The following PIWIL4 variants were observed in gnomAD, a reference collection of about 807,000 sequenced individuals.
The protein encoded by PIWIL4 is piwi-like protein 4.
PIWIL4 carries 50 observed loss-of-function variants against 100.9 expected under a neutral mutation model. That is an observed-to-expected ratio of 0.50 (90% CI 0.39 to 0.63). The LOEUF is 0.63. PIWIL4 is among the 20% of genes least tolerant of loss of function. The pLI, the probability that PIWIL4 is intolerant of heterozygous loss-of-function variation, is 0.00. For missense variants in PIWIL4, 887 were observed against 1,043.3 expected (o/e 0.85, Z 2.06); for synonymous variants, 342 against 367.5 (o/e 0.93, Z 0.79).
At chr11:94,615,835 A>G (rs954815362) in intron 15 of PIWIL4, among the ~76,000 whole-genome samples, 3 of 152,206 alleles carry the variant, frequency 2.0e-5, no homozygotes, top group Non-Finnish European at 4.4e-5. Flanking sequence ...TTAGAGAGGT[A>G]TAATAATGCT....
chr11:94,594,398 G>A (rs111328490), intron 9 of PIWIL4, among the ~76,000 whole-genome samples: 35,830 of 150,332 alleles, frequency 0.24, 4,493 homozygotes, highest in African/African-American at 0.29. Flanking sequence ...CCCAAGAGGC[G>A]GAGGTTGCAG....
intron 7 of PIWIL4, among the ~76,000 whole-genome samples, chr11:94,588,590 C>G (rs1037358558): frequency 6.6e-6 from 1 of 152,162 alleles, no homozygotes; most frequent in Non-Finnish European, 1.5e-5. Flanking sequence ...CCAGGCTACA[C>G]AGTGCTGAAG....
chr11:94,586,909 A>C, intron 6 of PIWIL4, 141 bp from the exon 7 acceptor site: 1 of 831,268 alleles, frequency 1.2e-6, no homozygotes, highest in Non-Finnish European at 1.8e-6. Flanking sequence ...TCAGTCAACA[A>C]CTGGAAGAAA....
At chr11:94,576,532 G>A (rs1476223990) in intron 3 of PIWIL4, among the ~76,000 whole-genome samples, 2 of 152,154 alleles carry the variant, frequency 1.3e-5, no homozygotes, top group African/African-American at 4.8e-5. Flanking sequence ...TACCCTGGGG[G>A]GAGCTTACAC....
At chr11:94,572,914 T>C (rs1009025537) in intron 2 of PIWIL4, among the ~76,000 whole-genome samples, 1 of 152,202 alleles carries the variant, frequency 6.6e-6, no homozygotes, top group African/African-American at 2.4e-5. Flanking sequence ...ATTCTTCCTA[T>C]CCATGAGCGT....
chr11:94,607,350 A>G, intron 13 of PIWIL4, 89 bp from the exon 14 acceptor site: 1 of 1,195,114 alleles, frequency 8.4e-7, no homozygotes, highest in South Asian at 1.4e-5. Context: ...AGATGTTTGG[A>G]GAATAATTCA....
intron 8 of PIWIL4, among the ~76,000 whole-genome samples, chr11:94,592,028 C>T (rs915908582): frequency 1.3e-5 from 2 of 152,102 alleles, no homozygotes; most frequent in African/African-American, 4.8e-5. Context: ...ACTATCCGTA[C>T]TCCCATGTTT....
intron 8 of PIWIL4, among the ~76,000 whole-genome samples, chr11:94,591,427 A>C (rs1235799639): frequency 6.6e-6 from 1 of 152,234 alleles, no homozygotes; most frequent in African/African-American, 2.4e-5. Flanking sequence ...GTACCTGTGC[A>C]TTCATCACAT....
chr11:94,568,821 C>T lies in PIWIL4; in HGVS notation c.166+13C>T, dbSNP rs868378629. The T allele has an allele frequency of 6.3e-7, 1 of 1,581,544 alleles. No individual in the cohort carries two copies. Among genetic ancestry groups the T allele is most frequent in the African/African-American group, 1.3e-5 (1 of 74,328 alleles). The stretch of plus-strand genomic sequence containing the variant: ...ATCTCAACCAACGGTAAGTGCAGCT[C>T]AGCCTGTTCATTTAGTACCATTCAA... On this transcript the variant is annotated intron_variant, in intron 2 of 19. Transcript: ENST00000299001.
Position 94,619,828 on chromosome 11 carries a change from C to G in PIWIL4, c.2237C>G (p.Thr746Ser), listed in dbSNP as rs1251064526. The G allele has an allele frequency of 1.2e-6, 2 of 1,614,092 alleles. No individual in the cohort carries two copies. Among genetic ancestry groups the G allele is most frequent in the African/African-American group, 2.7e-5 (2 of 74,950 alleles). The change falls in exon 18 of 20, where the codon ACT becomes AGT. Residue 746 changes from threonine to serine, a missense_variant. Around this residue, in one of 2 missense-constraint regions of PIWIL4, gnomAD observed 741 missense variants for 930.0 expected, o/e 0.80. Coordinates refer to ENST00000299001, the MANE Select transcript of PIWIL4 (RefSeq NM_152431.3). ...MPRFFTEMNRTVQNPPLGTVV... is the reference protein window; with the variant it reads ...MPRFFTEMNRSVQNPPLGTVV... ...CGATTCTTTACCGAAATGAACCGCACTGTACAGAACCCCCCACTTGGCACT... is the reference window on the plus strand; with the variant it reads ...CGATTCTTTACCGAAATGAACCGCAGTGTACAGAACCCCCCACTTGGCACT...
At chr11:94,610,156 A>G (rs1948772443) in intron 15 of PIWIL4, among the ~76,000 whole-genome samples, 1 of 152,064 alleles carries the variant, frequency 6.6e-6, no homozygotes, top group Admixed American at 6.5e-5. Context: ...ATTTTACTTA[A>G]TATAATGTCC....
chr11:94,570,062 A>G (rs1360281026), intron 2 of PIWIL4, among the ~76,000 whole-genome samples: 3 of 152,182 alleles, frequency 2.0e-5, no homozygotes, highest in Non-Finnish European at 4.4e-5. Flanking sequence ...CATGTAGCCA[A>G]CTGCTCTCTT....
Position 94,601,814 on chromosome 11 carries a change from C to G in PIWIL4, c.1400C>G (p.Ala467Gly). 5.6e-6 allele frequency: 9 copies of G among 1,613,860 alleles called. No homozygotes were observed. Among genetic ancestry groups the G allele is most frequent in the Non-Finnish European group, 6.8e-6 (8 of 1,179,848 alleles). Residue 467 changes from alanine (A) to glycine (G), a missense_variant, in exon 12 of 20, where the codon GCT becomes GGT. Transcript: ENST00000299001. ...QDHICQPVSA[A>G]DWSKDIRTCK... ...TCTCAGTGTCAACCTGTGTCTGCTGCTGACTGGTCCAAGGATATTCGAACT... is the reference window on the plus strand; with the variant it reads ...TCTCAGTGTCAACCTGTGTCTGCTGGTGACTGGTCCAAGGATATTCGAACT...
Position 94,597,854 on chromosome 11 carries a change from G to A in PIWIL4, c.1319G>A (p.Ser440Asn). Residue 440 changes from serine (S) to asparagine (N), a missense_variant, in exon 11 of 20, where the codon AGC (serine) becomes AAC (asparagine). Ser to Asn is a conservative substitution (Grantham distance 46). Coordinates refer to ENST00000299001, the MANE Select transcript of PIWIL4 (RefSeq NM_152431.3). ...ELETWGLHFG[S>N]QISLTGRIVP... ...GAGACCTGGGGACTGCATTTTGGAA[G>A]CCAGATATCTCTGACTGGCCGGATT... The A allele has an allele frequency of 6.2e-7, 1 of 1,614,086 alleles. No individual in the cohort carries two copies. The highest frequency in any genetic ancestry group is 8.5e-7 in the Non-Finnish European group (1 of 1,179,962).
chr11:94,617,958 A>C lies in PIWIL4; in HGVS notation c.2019A>C (p.Ala673=). ...TACTGACACCAAATTCTGCAGGAGC[A>C]CTCAACAAATGGTACAAGTACAATC... ...ADCLKVFMTG[A]LNKWYKYNHD... Residue 673 remains alanine, a synonymous_variant, in exon 17 of 20, where the codon GCA becomes GCC. Coordinates refer to ENST00000299001, the MANE Select transcript of PIWIL4 (RefSeq NM_152431.3). The C allele has an allele frequency of 6.2e-7, 1 of 1,613,888 alleles. No individual in the cohort carries two copies. The highest frequency in any genetic ancestry group is 8.5e-7 in the Non-Finnish European group (1 of 1,179,834).
At chr11:94,616,284 C>T (rs1233258193) in intron 15 of PIWIL4, among the ~76,000 whole-genome samples, 1 of 152,144 alleles carries the variant, frequency 6.6e-6, no homozygotes, top group African/African-American at 2.4e-5. Context: ...CTCGATATGG[C>T]TGATGCCAAC....
At position 94,604,010 on chromosome 11, in the gene PIWIL4, C is replaced by G; in HGVS notation, c.1592C>G (p.Ala531Gly). The G allele has an allele frequency of 6.2e-7, 1 of 1,606,948 alleles. No individual in the cohort carries two copies. Among genetic ancestry groups the G allele is most frequent in the Non-Finnish European group, 8.5e-7 (1 of 1,176,084 alleles). ...ATAAAAGTACAAGAAAATCCAGCTG[C>G]ATTTGTTAGAGCTATACAGCAATAT... ...KIIKVQENPA[A>G]FVRAIQQYVD... The change falls in exon 13 of 20, where the codon GCA (alanine) becomes GGA (glycine). Residue 531 changes from alanine to glycine, a missense_variant. Physicochemically the swap from Ala to Gly is moderately conservative, Grantham distance 60. Around this residue, in one of 2 missense-constraint regions of PIWIL4, gnomAD observed 741 missense variants for 930.0 expected, o/e 0.80. Transcript: ENST00000299001.
rs757400501 is a variant in PIWIL4 at position 94,587,046 on chromosome 11, A to T, written c.717-4A>T. ...ATTCCTTTTTTTCTTTTTTGTTTTTAAAGATTATCCCTTTGGCCTGGGTTT... is the reference window on the plus strand; with the variant it reads ...ATTCCTTTTTTTCTTTTTTGTTTTTTAAGATTATCCCTTTGGCCTGGGTTT... On this transcript the variant is annotated splice_polypyrimidine_tract_variant and splice_region_variant and intron_variant, in intron 6 of 19. Coordinates refer to ENST00000299001, the MANE Select transcript of PIWIL4 (RefSeq NM_152431.3). 1.3e-6 allele frequency: 2 copies of T among 1,597,790 alleles called. No individual in the cohort carries two copies. Among genetic ancestry groups the T allele is most frequent in the Non-Finnish European group, 8.6e-7 (1 of 1,169,490 alleles).
intron 10 of PIWIL4, 41 bp from the exon 11 acceptor site, chr11:94,597,763 T>C (rs1288323504): frequency 7.1e-7 from 1 of 1,409,744 alleles, no homozygotes; most frequent in South Asian, 1.2e-5. Context: ...TAAGTTATAA[T>C]TATATCTCTC....
Sources: allele counts gnomAD v4.1 joint callset (sites outside exome capture counted in the v4.1 genomes callset), GRCh38; gene constraint gnomAD v4.1.1; regional missense constraint gnomAD v4.1.1; transcripts MANE v1.5; gene names NCBI Gene and HGNC (gene_info 2026-07-23, HGNC 2026-07-21).